The following TAPBPL variants were observed in gnomAD, a reference collection of about 807,000 sequenced individuals.
The protein encoded by TAPBPL is TAP binding protein like.
In TAPBPL, 32 loss-of-function variants were observed where a neutral mutation model predicts 44.8. That is an observed-to-expected ratio of 0.71 (90% CI 0.54 to 0.96). TAPBPL has a LOEUF of 0.96. TAPBPL is among the 40% of genes least tolerant of loss of function. The probability of loss-of-function intolerance (pLI) is 0.00; values close to 1 mark genes in which losing one functional copy is unlikely to be tolerated. For missense variants in TAPBPL, 520 were observed against 586.6 expected (o/e 0.89, Z 1.17); for synonymous variants, 230 against 240.7 (o/e 0.96, Z 0.41).
intron 3 of TAPBPL, among the ~76,000 whole-genome samples, chr12:6,454,533 G>A (rs1206013749): frequency 2.6e-5 from 4 of 152,108 alleles, no homozygotes; most frequent in Admixed American, 2.6e-4. Context: ...CTACCTGAAC[G>A]TCCCCAGGCA....
rs1254542051 is a variant in TAPBPL, at chr12:6,458,672, C to T, written c.932C>T (p.Ala311Val). The change falls in exon 5 of 7, where the codon GCA (alanine) becomes GTA (valine). Residue 311 changes from alanine (A) to valine (V), a missense_variant. Transcript: ENST00000266556. ...TCCCCTAAAGTACGACTGAGCTTGG[C>T]AAACGAAGCTCTGCTGCCCACCCTC... ...QASPKVRLSL[A>V]NEALLPTLIC... 1.2e-6 allele frequency: 2 copies of T among 1,614,048 alleles called. No homozygotes were observed. Among genetic ancestry groups the T allele is most frequent in the East Asian group, 4.5e-5 (2 of 44,876 alleles).
downstream of TAPBPL, among the ~76,000 whole-genome samples, chr12:6,465,536 G>A (rs190364024): frequency 7.3e-5 from 11 of 151,138 alleles, no homozygotes; most frequent in Non-Finnish European, 1.6e-4. Context: ...GGGTGTGTCT[G>A]AGGATGAGAC....
chr12:6,453,197 G>A lies in TAPBPL; in HGVS notation c.195G>A (p.Lys65=), dbSNP rs150101862. The change falls in exon 2 of 7, where the codon AAG becomes AAA. Residue 65 remains lysine, a synonymous_variant. Coordinates refer to ENST00000266556, the MANE Select transcript of TAPBPL (RefSeq NM_018009.5). The surrounding 1 kb of genome is among the most constrained non-coding windows in gnomAD (Gnocchi z 4.8). ...GGGCAAGGGCCTCCCTTGTGCTGAA[G>A]CAGGTGCCAGTGCTGGACGATGGCT... ...EDRARASLVL[K]QVPVLDDGSL... is the part of the protein sequence containing the mutation. The A allele has an allele frequency of 1.5e-4, 241 of 1,613,160 alleles. No homozygotes were observed. The African/African-American group carries it at 3.0e-3, about 20-fold the overall frequency.
chr12:6,451,952 C>T, upstream of TAPBPL: 2 of 480,058 alleles, frequency 4.2e-6, no homozygotes, highest in South Asian at 4.2e-5. Context: ...CAAAAGGGTG[C>T]AGAGGTCAGG....
chr12:6,465,071 C>T, downstream of TAPBPL: 1 of 1,373,174 alleles, frequency 7.3e-7, no homozygotes, highest in South Asian at 1.3e-5. Context: ...CCCAGGAGAC[C>T]TGCAGGCCTC....
Position 6,453,378 on chromosome 12 carries a change from T to A in TAPBPL, c.296-69T>A, listed in dbSNP as rs1044743234. On this transcript the variant is annotated intron_variant, in intron 2 of 6. Coordinates refer to ENST00000266556, the MANE Select transcript of TAPBPL (RefSeq NM_018009.5). This position sits in a 1 kb window ranked among gnomAD's most constrained non-coding sequence, Gnocchi z 4.8. ...CCCAGGTCCCGATTACAGCCACACATACTGCCTCCCGTTGGCCCTGGTGTT... is the reference window on the plus strand; with the variant it reads ...CCCAGGTCCCGATTACAGCCACACAAACTGCCTCCCGTTGGCCCTGGTGTT... 9.3e-6 allele frequency: 15 copies of A among 1,608,480 alleles called. No homozygotes were observed. Among genetic ancestry groups the A allele is most frequent in the Non-Finnish European group, 1.3e-5 (15 of 1,176,674 alleles).
downstream of TAPBPL, chr12:6,464,893 C>T (rs1008778673): frequency 6.2e-7 from 1 of 1,614,058 alleles, no homozygotes; most frequent in South Asian, 1.1e-5. Flanking sequence ...TACTTACTTA[C>T]AATAACTACC....
chr12:6,467,932 T>C (rs1017715782), downstream of TAPBPL, among the ~76,000 whole-genome samples: 2 of 151,972 alleles, frequency 1.3e-5, no homozygotes, highest in African/African-American at 4.8e-5. Context: ...AGGCAAGAAC[T>C]GAGGTTCGGG....
chr12:6,463,760 A>G, downstream of TAPBPL: 1 of 1,174,016 alleles, frequency 8.5e-7, no homozygotes, highest in Non-Finnish European at 1.1e-6. This position sits in a 1 kb window ranked among gnomAD's most constrained non-coding sequence, Gnocchi z 4.0. Context: ...AGCTAGAAGC[A>G]CATGGGACTG....
chr12:6,460,957 T>G lies in TAPBPL; in HGVS notation c.1291+19T>G. The G allele has an allele frequency of 1.2e-6, 2 of 1,613,854 alleles. No homozygotes were observed. Among genetic ancestry groups the G allele is most frequent in the Middle Eastern group, 1.7e-4 (1 of 6,060 alleles). The stretch of plus-strand genomic sequence containing the variant: ...CGGCAAGGTAAGAGCCTGGGTGCCC[T>G]TGGCTCTGGCCCTGGCCCACCTCAC... On this transcript the variant is annotated intron_variant, in intron 6 of 6. Coordinates refer to ENST00000266556, the MANE Select transcript of TAPBPL (RefSeq NM_018009.5).
downstream of TAPBPL, chr12:6,466,551 A>G (rs1950030388): frequency 2.0e-6 from 1 of 502,088 alleles, no homozygotes; most frequent in Non-Finnish European, 3.5e-6. Flanking sequence ...ACTCACATGC[A>G]TCCTCACCCC....
downstream of TAPBPL, chr12:6,464,331 GA>G: frequency 6.5e-7 from 1 of 1,549,374 alleles, no homozygotes; most frequent in Non-Finnish European, 8.7e-7. Context: ...TGAACGCAAC[GA>G]AAAAGGAGGA....
At chr12:6,470,786 G>A (rs1565530235), downstream of TAPBPL, 1 of 553,552 alleles carries the variant, frequency 1.8e-6, no homozygotes, top group Non-Finnish European at 3.2e-6. Context: ...CAGCGCTACA[G>A]GCCTAGCCCG....
Position 6,456,663 on chromosome 12 carries a change from AT to A in TAPBPL, c.566-735del, listed in dbSNP as rs1227321236. ...TTTTTTGTTTTGTTTTGTTTTTTAC[AT>A]TTTTTTTGAGACGGAGTTTCACTCG... is the stretch of plus-strand genomic sequence containing the variant. On this transcript the variant is annotated intron_variant, in intron 3 of 6. Transcript: ENST00000266556. Among the ~76,000 whole-genome samples, 4 of 138,878 alleles carry A rather than the reference AT, an allele frequency of 2.9e-5. No individual in the cohort carries two copies. In the South Asian group the frequency reaches 6.8e-4, roughly 24 times the overall value. The allele number at this position is 138,878 out of a possible 152,430, so 91.1% of individuals were successfully genotyped here.
At chr12:6,464,815 C>A, downstream of TAPBPL, 1 of 1,604,716 alleles carries the variant, frequency 6.2e-7, no homozygotes. Flanking sequence ...ACTCCCCAGG[C>A]AGGCAGGCAG....
At chr12:6,464,932 T>C (rs762550944), downstream of TAPBPL, 1 of 1,613,942 alleles carries the variant, frequency 6.2e-7, no homozygotes, top group Non-Finnish European at 8.5e-7. Flanking sequence ...GCTCCCAGCA[T>C]GATCATCATC....
chr12:6,462,839 C>A, downstream of TAPBPL: 6 of 1,606,146 alleles, frequency 3.7e-6, no homozygotes, highest in Non-Finnish European at 5.1e-6. Context: ...TCTTCAGTCC[C>A]GCCCTTGGGC....
At chr12:6,463,278 G>C, downstream of TAPBPL, 1 of 1,321,696 alleles carries the variant, frequency 7.6e-7, no homozygotes, top group Non-Finnish European at 9.7e-7. This position sits in a 1 kb window ranked among gnomAD's most constrained non-coding sequence, Gnocchi z 4.0. Flanking sequence ...CCCCATGACA[G>C]CACAGCAATA....
Position 6,453,842 on chromosome 12 carries a change from A to C in TAPBPL, c.565+126A>C. 7.9e-7 allele frequency: 1 copy of C among 1,264,588 alleles called. No individual in the cohort carries two copies. The highest frequency in any genetic ancestry group is 1.1e-6 in the Non-Finnish European group (1 of 947,388). The allele number at this position is 1,264,588 out of a possible 1,614,324, so 78.3% of individuals were successfully genotyped here. A position where few individuals can be genotyped will look rare whatever the true frequency, so the allele number is the denominator to read the frequency against. On this transcript the variant is annotated intron_variant, in intron 3 of 6. Transcript: ENST00000266556. The surrounding 1 kb of genome is among the most constrained non-coding windows in gnomAD (Gnocchi z 4.8). Reference sequence around the variant, plus strand: ...AGATCAGCCTGGTCAACACGGTGAAACCCCGTCTCTACTAATACCAAAATT... The same window carrying C: ...AGATCAGCCTGGTCAACACGGTGAACCCCCGTCTCTACTAATACCAAAATT...
Sources: allele counts gnomAD v4.1 joint callset (sites outside exome capture counted in the v4.1 genomes callset), GRCh38; gene constraint gnomAD v4.1.1; non-coding constraint Gnocchi (gnomAD v3.1); transcripts MANE v1.5; gene names NCBI Gene and HGNC (gene_info 2026-07-23, HGNC 2026-07-21).